The following MACROD2 variants were observed in gnomAD, a reference collection of about 807,000 sequenced individuals.
MACROD2 encodes mono-ADP ribosylhydrolase 2, also known as ADP-ribose glycohydrolase MACROD2.
Under a neutral mutation model 70.4 loss-of-function variants are expected in MACROD2, and 36 were observed. That is an observed-to-expected ratio of 0.51 (90% CI 0.39 to 0.68). MACROD2 has a LOEUF of 0.68. Among genes scored for constraint, MACROD2 ranks in the 30% least tolerant of loss-of-function variants. MACROD2 has a pLI of 0.00. For missense variants in MACROD2, 496 were observed against 538.4 expected (o/e 0.92, Z 0.78); for synonymous variants, 172 against 178.8 (o/e 0.96, Z 0.30).
At chr20:15,621,253 A>C (rs1036799876) in intron 8 of MACROD2, among the ~76,000 whole-genome samples, 1 of 152,116 alleles carries the variant, frequency 6.6e-6, no homozygotes, top group African/African-American at 2.4e-5. Context: ...CTCTATTTCA[A>C]ATTATTTCTT....
chr20:15,649,007 A>G (rs1228596351), intron 8 of MACROD2, among the ~76,000 whole-genome samples: 5 of 151,344 alleles, frequency 3.3e-5, no homozygotes, highest in African/African-American at 9.7e-5. Flanking sequence ...TTGTTTTAGA[A>G]GCTGAAGAAT....
intron 4 of MACROD2, among the ~76,000 whole-genome samples, chr20:14,667,136 G>A (rs909717642): frequency 2.0e-5 from 3 of 152,012 alleles, no homozygotes; most frequent in East Asian, 3.9e-4. Flanking sequence ...ATGCCTTATC[G>A]TAATGTAAAT....
chr20:14,546,635 C>T (rs2085494120), intron 4 of MACROD2, among the ~76,000 whole-genome samples: 1 of 152,122 alleles, frequency 6.6e-6, no homozygotes, highest in Non-Finnish European at 1.5e-5. Context: ...CAACTCTTCC[C>T]CCTACCTGGA....
intron 13 of MACROD2, among the ~76,000 whole-genome samples, chr20:15,981,065 G>T (rs1294576296): frequency 6.6e-6 from 1 of 152,204 alleles, no homozygotes; most frequent in Non-Finnish European, 1.5e-5. Flanking sequence ...CATAGACAGG[G>T]AATGCCTAGG....
intron 5 of MACROD2, among the ~76,000 whole-genome samples, chr20:14,765,067 T>C (rs1019046809): frequency 1.3e-5 from 2 of 152,144 alleles, no homozygotes; most frequent in African/African-American, 4.8e-5. Flanking sequence ...GTTCAAAACT[T>C]AAGCAGTGCC....
Position 15,364,590 on chromosome 20 carries a change from C to T in MACROD2, c.541-66815C>T, listed in dbSNP as rs147307058. On this transcript the variant is annotated intron_variant, in intron 6 of 17. Coordinates refer to ENST00000684519, the MANE Select transcript of MACROD2 (RefSeq NM_001351661.2). Reference sequence around the variant, plus strand: ...TCACAGGAGTGGAATTCAAAACTTTCTAGGGATTTATTTAATACCAAATTG... The same window carrying T: ...TCACAGGAGTGGAATTCAAAACTTTTTAGGGATTTATTTAATACCAAATTG... Among the ~76,000 whole-genome samples the T allele has an allele frequency of 2.0e-5, 3 of 152,284 alleles. No homozygotes were observed. In the East Asian group the frequency reaches 5.8e-4, roughly 29 times the overall value.
At chr20:14,014,328 G>A (rs947910666) in intron 2 of MACROD2, among the ~76,000 whole-genome samples, 1 of 147,082 alleles carries the variant, frequency 6.8e-6, no homozygotes, top group Non-Finnish European at 1.5e-5. Flanking sequence ...CAGAGAAATT[G>A]TATTTCATAA....
At chr20:14,048,324 A>G (rs2053508964) in intron 2 of MACROD2, among the ~76,000 whole-genome samples, 1 of 152,198 alleles carries the variant, frequency 6.6e-6, no homozygotes, top group Middle Eastern at 3.2e-3. Context: ...ATCATGATGA[A>G]TGAGGAGTCC....
At chr20:14,175,113 G>C (rs1165652243) in intron 3 of MACROD2, among the ~76,000 whole-genome samples, 1 of 152,126 alleles carries the variant, frequency 6.6e-6, no homozygotes, top group Non-Finnish European at 1.5e-5. Flanking sequence ...GTATGTTCCT[G>C]CCATAGTTCT....
intron 15 of MACROD2, among the ~76,000 whole-genome samples, chr20:16,001,860 G>A (rs17711642): frequency 0.4 from 60,171 of 151,646 alleles, 12,558 homozygotes; most frequent in Non-Finnish European, 0.45. Flanking sequence ...TCAATGTAAG[G>A]GAGTACTTTT....
At chr20:14,886,682 T>TC (rs1315496911) in intron 5 of MACROD2, among the ~76,000 whole-genome samples, 2 of 152,174 alleles carry the variant, frequency 1.3e-5, no homozygotes, top group African/African-American at 4.8e-5. Context: ...CCATAGGGTA[T>TC]CAATAAGTAT....
At chr20:15,742,185 A>C (rs2051115687) in intron 8 of MACROD2, among the ~76,000 whole-genome samples, 1 of 152,126 alleles carries the variant, frequency 6.6e-6, no homozygotes, top group Non-Finnish European at 1.5e-5. Context: ...AGGCCAGCAA[A>C]TGGTTGGGAG....
At chr20:14,584,660 T>A (rs1981255014) in intron 4 of MACROD2, among the ~76,000 whole-genome samples, 1 of 152,082 alleles carries the variant, frequency 6.6e-6, no homozygotes, top group African/African-American at 2.4e-5. Context: ...TGAAATTTGG[T>A]GGGGGGACAC....
rs143544426 is a variant in MACROD2, at chr20:14,447,208, T to C, written c.272-46271T>C. Among the ~76,000 whole-genome samples the C allele has an allele frequency of 1.1e-3, 171 of 152,074 alleles. 2 individuals carry two copies. Among genetic ancestry groups the C allele is most frequent in the African/African-American group, 4.0e-3 (167 of 41,430 alleles). ...TAATTTTTTGTATTTTTAGTAGAGA[T>C]GGTATTTCACCATGTTGGCCAAGCT... On this transcript the variant is annotated intron_variant, in intron 3 of 17. Transcript: ENST00000684519.
chr20:15,919,125 C>T (rs1019650787), intron 10 of MACROD2, among the ~76,000 whole-genome samples: 3 of 152,120 alleles, frequency 2.0e-5, no homozygotes, highest in Non-Finnish European at 2.9e-5. Flanking sequence ...AATTCCTTTA[C>T]ATTTATCCAA....
chr20:14,171,721 A>G (rs188885976), intron 3 of MACROD2, among the ~76,000 whole-genome samples: 14 of 151,926 alleles, frequency 9.2e-5, no homozygotes, highest in African/African-American at 3.1e-4. Flanking sequence ...TATAATTTCA[A>G]TTTTCTTTAT....
chr20:15,825,511 T>C (rs1293408487), intron 8 of MACROD2, among the ~76,000 whole-genome samples: 1 of 151,936 alleles, frequency 6.6e-6, no homozygotes, highest in Non-Finnish European at 1.5e-5. Context: ...TTGGTTTTTT[T>C]TTTTCGAGAC....
rs181237608 is a variant in MACROD2, at chr20:15,463,661, A to G, written c.571+32226A>G. ...CTACTTGAGAAGCTGAGGCAGGAGA[A>G]TCATGTGAACCCGGGAGGCAGAGGT... is the stretch of plus-strand genomic sequence containing the variant. On this transcript the variant is annotated intron_variant, in intron 7 of 17. Transcript: ENST00000684519. Among the ~76,000 whole-genome samples, 214 of 152,242 alleles carry G rather than the reference A, an allele frequency of 1.4e-3. No individual in the cohort carries two copies. The Middle Eastern group carries it at 0.038, about 27-fold the overall frequency.
intron 4 of MACROD2, among the ~76,000 whole-genome samples, chr20:14,668,158 A>G (rs183918043): frequency 6.7e-4 from 102 of 151,748 alleles, no homozygotes; most frequent in African/African-American, 2.3e-3. Flanking sequence ...TGTCTCTTAA[A>G]AAAAAAAAAG....
Sources: allele counts gnomAD v4.1 joint callset (sites outside exome capture counted in the v4.1 genomes callset), GRCh38; gene constraint gnomAD v4.1.1; transcripts MANE v1.5; gene names NCBI Gene and HGNC (gene_info 2026-07-23, HGNC 2026-07-21).